SCN10A: variants seen among roughly 807,000 people sequenced by gnomAD.
SCN10A encodes the protein sodium channel protein type 10 subunit alpha.
Under a neutral mutation model 170.7 loss-of-function variants are expected in SCN10A, and 162 were observed. The ratio of observed to expected loss-of-function variants is 0.95; its 90% CI spans 0.84 to 1.08. The LOEUF (loss-of-function observed/expected upper bound fraction) is 1.08. Among genes scored for constraint, SCN10A ranks in the 50% least tolerant of loss-of-function variants. The pLI is 0.00. For missense variants in SCN10A, 2,527 were observed against 2,436.9 expected (o/e 1.04, Z -0.78); for synonymous variants, 985 against 904.6 (o/e 1.09, Z -1.59).
chr3:38,803,333 A>G (rs1373045284), intron 1 of SCN10A, among the ~76,000 whole-genome samples: 2 of 152,150 alleles, frequency 1.3e-5, no homozygotes, highest in Non-Finnish European at 2.9e-5. Flanking sequence ...TCATGCTGCT[A>G]TAAAGACACA....
chr3:38,769,909 T>C (rs1474825369), intron 5 of SCN10A, among the ~76,000 whole-genome samples: 2 of 152,148 alleles, frequency 1.3e-5, no homozygotes, highest in African/African-American at 2.4e-5. Flanking sequence ...TGTGATGTGA[T>C]TGATCTTGAA....
At chr3:38,791,283 G>A (rs2064277622) in intron 3 of SCN10A, among the ~76,000 whole-genome samples, 2 of 152,110 alleles carry the variant, frequency 1.3e-5, no homozygotes, top group Admixed American at 6.6e-5. Context: ...GGATCACCCA[G>A]GAAGATCTTA....
In SCN10A at chr3:38,757,155, A is replaced by T. The variant is rs199715855; in HGVS notation, c.955T>A (p.Cys319Ser). The change falls in exon 9 of 28, where the codon TGC becomes AGC. Residue 319 changes from cysteine (C) to serine (S), a missense_variant. Transcript: ENST00000449082. The part of the protein sequence containing the change: ...LCGNGSDSGH[C>S]PDGYICLKTS... ...TTAAGGCAGATATAACCATCAGGGC[A>T]GTGGCTGCAGCAAGAACAGAGAAGG... 17 of 1,598,126 alleles carry T rather than the reference A, an allele frequency of 1.1e-5. No homozygotes were observed. The highest frequency in any genetic ancestry group is 1.2e-5 in the Non-Finnish European group (14 of 1,173,034).
Position 38,804,616 on chromosome 3 carries a change from A to T in SCN10A, c.-32-10574T>A, listed in dbSNP as rs2064394418. The stretch of plus-strand genomic sequence containing the variant: ...CAGATATTTATAAAAAGAGCTTTTC[A>T]CCTGACACCGAAATTGAGTTTAGGG... On this transcript the variant is annotated intron_variant, in intron 1 of 27. Transcript: ENST00000449082. Among the ~76,000 whole-genome samples, 2 of 152,160 alleles carry T rather than the reference A, an allele frequency of 1.3e-5. 1 individual carries two copies. The highest frequency in any genetic ancestry group is 4.8e-5 in the African/African-American group (2 of 41,446).
chr3:38,793,920 T>C lies in SCN10A; in HGVS notation c.91A>G (p.Lys31Glu). The C allele has an allele frequency of 1.2e-6, 2 of 1,614,110 alleles. No individual in the cohort carries two copies. The highest frequency in any genetic ancestry group is 1.7e-6 in the Non-Finnish European group (2 of 1,179,964). The change falls in exon 2 of 28, where the codon AAG becomes GAG. Residue 31 changes from lysine to glutamate, a missense_variant. By Grantham distance (56) the Lys-to-Glu change is moderately conservative. Coordinates refer to ENST00000449082, the MANE Select transcript of SCN10A (RefSeq NM_006514.4). ...LVEIEKQIAAKQGTKKAREKH... is the reference protein window; with the variant it reads ...LVEIEKQIAAEQGTKKAREKH... ...TCTCTGGCTTTCTTTGTTCCCTGCT[T>C]GGCAGCAATTTGCTTCTCTATCTCC...
intron 11 of SCN10A, 63 bp downstream of exon 11, chr3:38,755,725 A>G: frequency 1.3e-6 from 2 of 1,585,448 alleles, no homozygotes; most frequent in Non-Finnish European, 1.7e-6. Flanking sequence ...TCCCACTCCA[A>G]CTCATTGTCT....
intron 1 of SCN10A, among the ~76,000 whole-genome samples, chr3:38,803,466 A>C (rs376662657): frequency 0.012 from 1,816 of 152,310 alleles, 13 homozygotes; most frequent in Non-Finnish European, 0.017. Context: ...AATACTATGC[A>C]GCCATAAAAA....
chr3:38,704,133 C>T (rs746096974), intron 26 of SCN10A, among the ~76,000 whole-genome samples: 10 of 152,140 alleles, frequency 6.6e-5, no homozygotes, highest in African/African-American at 1.9e-4. Flanking sequence ...AGGGAGCCCA[C>T]GGGAGCTGCA....
intron 4 of SCN10A, among the ~76,000 whole-genome samples, chr3:38,785,259 G>A (rs1056396828): frequency 2.6e-5 from 4 of 152,180 alleles, no homozygotes; most frequent in African/African-American, 4.8e-5. Flanking sequence ...AACCAAAACA[G>A]CGAGGTACTG....
chr3:38,712,160 C>T lies in SCN10A; in HGVS notation c.4089+1G>A, dbSNP rs778498254. The stretch of plus-strand genomic sequence containing the variant: ...TATGGTTGATCTCATGGTTGACTCA[C>T]CACCTGCAGAAGTGCAAGGTAACCC... On this transcript the variant is annotated splice_donor_variant, in intron 23 of 27. Coordinates refer to ENST00000449082, the MANE Select transcript of SCN10A (RefSeq NM_006514.4). LOFTEE classifies it high-confidence loss of function. The T allele has an allele frequency of 1.2e-6, 2 of 1,613,460 alleles. No homozygotes were observed. The highest frequency in any genetic ancestry group is 1.3e-5 in the African/African-American group (1 of 75,038).
chr3:38,795,242 T>G (rs2064331743), intron 1 of SCN10A, among the ~76,000 whole-genome samples: 1 of 152,106 alleles, frequency 6.6e-6, no homozygotes, highest in South Asian at 2.1e-4. Context: ...TGCCCTCCTA[T>G]CTCACTAAAA....
At position 38,761,235 on chromosome 3, in the gene SCN10A, GTCATTC is replaced by G; in HGVS notation, c.834_839del (p.Lys278_Asp280delinsAsn). The G allele has an allele frequency of 6.2e-7, 1 of 1,613,976 alleles. No individual in the cohort carries two copies. The highest frequency in any genetic ancestry group is 8.5e-7 in the Non-Finnish European group (1 of 1,179,908). On this transcript the variant is annotated inframe_deletion, in exon 7 of 28. Transcript: ENST00000449082. Reference sequence around the variant, plus strand: ...AGTTGGTTGTCTCATTGACAGCCATGTCATTCTTGACACATTTATTTTTGAGGTTGC... The same window carrying G: ...AGTTGGTTGTCTCATTGACAGCCATGTTGACACATTTATTTTTGAGGTTGC...
rs1325931730 is a variant in SCN10A at position 38,698,017 on chromosome 3, G to A, written c.5203C>T (p.Pro1735Ser). ...FNVATEESTE[P>S]LSEDDFDMFY... ...ATGTCAAAGTCGTCCTCACTCAGGGGCTCAGTGCTCTCCTCCGTGGCCACA... is the reference window on the plus strand; with the variant it reads ...ATGTCAAAGTCGTCCTCACTCAGGGACTCAGTGCTCTCCTCCGTGGCCACA... Residue 1735 changes from proline (P) to serine (S), a missense_variant, in exon 28 of 28, where the codon CCC (proline) becomes TCC (serine). Coordinates refer to ENST00000449082, the MANE Select transcript of SCN10A (RefSeq NM_006514.4). 1 of 1,614,152 alleles carries A rather than the reference G, an allele frequency of 6.2e-7. No individual in the cohort carries two copies. The highest frequency in any genetic ancestry group is 2.2e-5 in the East Asian group (1 of 44,878).
chr3:38,786,590 C>T (rs1575178288), intron 4 of SCN10A, among the ~76,000 whole-genome samples: 1 of 152,110 alleles, frequency 6.6e-6, no homozygotes, highest in African/African-American at 2.4e-5. Flanking sequence ...AACAAACCTG[C>T]ACTTTCTGCA....
At chr3:38,727,991 T>C (rs1157194244) in intron 16 of SCN10A, among the ~76,000 whole-genome samples, 1 of 152,174 alleles carries the variant, frequency 6.6e-6, no homozygotes, top group East Asian at 1.9e-4. Context: ...CCCTGCAGCC[T>C]CTCCCCCTGC....
chr3:38,713,588 T>A (rs1401013215), intron 22 of SCN10A, among the ~76,000 whole-genome samples: 2 of 151,938 alleles, frequency 1.3e-5, no homozygotes, highest in Non-Finnish European at 2.9e-5. Flanking sequence ...GAGCAGGAAG[T>A]GAAGACTCAG....
rs145712124 is a variant in SCN10A at position 38,728,754 on chromosome 3, C to T, written c.2428G>A (p.Gly810Arg). 2 of 1,614,186 alleles carry T rather than the reference C, an allele frequency of 1.2e-6. No individual in the cohort carries two copies. The highest frequency in any genetic ancestry group is 1.7e-5 in the Admixed American group (1 of 60,028). ...VFALVGKQLL[G>R]ENYRNNRKNI... Reference sequence around the variant, plus strand: ...TTTCGGTTGTTACGGTAGTTTTCCCCTAGGAGCTGCTTGCCAACCAGAGCA... The same window carrying T: ...TTTCGGTTGTTACGGTAGTTTTCCCTTAGGAGCTGCTTGCCAACCAGAGCA... Residue 810 changes from glycine (G) to arginine (R), a missense_variant, in exon 16 of 28, where the codon GGG (glycine) becomes AGG (arginine). Coordinates refer to ENST00000449082, the MANE Select transcript of SCN10A (RefSeq NM_006514.4).
chr3:38,761,844 GAGAGAGAGAGAGAGAGAGAGAA>G (rs1020656853), intron 6 of SCN10A, among the ~76,000 whole-genome samples: 2 of 103,980 alleles, frequency 1.9e-5, no homozygotes, highest in Non-Finnish European at 4.1e-5. Context: ...GTGTGAGAGA[GAGAGAGAGAGAGAGAGAGAGAA>G]AGAGAGAGAG....
At chr3:38,705,089 A>C in intron 26 of SCN10A, among the ~76,000 whole-genome samples, 1 of 152,134 alleles carries the variant, frequency 6.6e-6, no homozygotes, top group Non-Finnish European at 1.5e-5. Flanking sequence ...ATGGTCCAAG[A>C]CCTATGGGTC....
Sources: allele counts gnomAD v4.1 joint callset (sites outside exome capture counted in the v4.1 genomes callset), GRCh38; gene constraint gnomAD v4.1.1; transcripts MANE v1.5; gene names NCBI Gene and HGNC (gene_info 2026-07-23, HGNC 2026-07-21).